DNAH14: variants seen among roughly 807,000 people sequenced by gnomAD.
The protein encoded by DNAH14 is dynein axonemal heavy chain 14.
In DNAH14, 478 loss-of-function variants were observed where a neutral mutation model predicts 520.9. The observed-to-expected ratio is 0.92, with a 90% CI of 0.85 to 0.99. The LOEUF (loss-of-function observed/expected upper bound fraction) is 0.99. Among genes scored for constraint, DNAH14 ranks in the 50% least tolerant of loss-of-function variants. The pLI, the probability that DNAH14 is intolerant of heterozygous loss-of-function variation, is 0.00. For missense variants in DNAH14, 4,831 were observed against 5,234.5 expected (o/e 0.92, Z 2.38); for synonymous variants, 1,581 against 1,757.2 (o/e 0.90, Z 2.51).
At chr1:225,118,707 AC>A (rs1181518141) in intron 25 of DNAH14, among the ~76,000 whole-genome samples, 1 of 151,614 alleles carries the variant, frequency 6.6e-6, no homozygotes, top group African/African-American at 2.4e-5. Flanking sequence ...ACATGGTGAA[AC>A]CCTATCTCTA....
intron 42 of DNAH14, among the ~76,000 whole-genome samples, chr1:225,237,267 C>G (rs1217968115): frequency 6.6e-6 from 1 of 150,546 alleles, no homozygotes; most frequent in Non-Finnish European, 1.5e-5. Flanking sequence ...TTTTTTTTTT[C>G]TAGATTTAGT....
In DNAH14 at chr1:225,264,571, T is replaced by C. The variant is rs112757358; in HGVS notation, c.7222+310T>C. On this transcript the variant is annotated intron_variant, in intron 47 of 85. Transcript: ENST00000682510. The stretch of plus-strand genomic sequence containing the variant: ...AGGCAATATCTGTCTATTCTACTGT[T>C]TGATGCTTTTAGACATACTGCAATA... 2.6e-5 allele frequency among the ~76,000 whole-genome samples: 4 copies of C among 152,106 alleles called. No homozygotes were observed. The South Asian group carries it at 8.3e-4, about 32-fold the overall frequency.
chr1:225,280,550 GAT>G (rs2093604712), intron 54 of DNAH14, among the ~76,000 whole-genome samples: 1 of 151,566 alleles, frequency 6.6e-6, no homozygotes, highest in South Asian at 2.1e-4. Flanking sequence ...AGTGAGCCGA[GAT>G]AGCGCCACTG....
rs1268142951 is a variant in DNAH14 at position 225,085,764 on chromosome 1, G to C, written c.3548G>C (p.Gly1183Ala). 1 of 1,550,478 alleles carries C rather than the reference G, an allele frequency of 6.4e-7. No individual in the cohort carries two copies. The highest frequency in any genetic ancestry group is 1.2e-5 in the South Asian group (1 of 83,524). ...CAAGTCATACTTGCAACAATTAAAG[G>C]ATCTCCCCACATTGGGCCCATTAAG... is the stretch of plus-strand genomic sequence containing the variant. ...ESQVILATIKGSPHIGPIKDL... is the reference protein window; with the variant it reads ...ESQVILATIKASPHIGPIKDL... The change falls in exon 21 of 86, where the codon GGA (glycine) becomes GCA (alanine). Residue 1183 changes from glycine (G) to alanine (A), a missense_variant. Coordinates refer to ENST00000682510, the MANE Select transcript of DNAH14 (RefSeq NM_001367479.1).
At chr1:225,308,075 C>T (rs141098291) in intron 59 of DNAH14, among the ~76,000 whole-genome samples, 26 of 152,304 alleles carry the variant, frequency 1.7e-4, no homozygotes, top group African/African-American at 6.3e-4. Flanking sequence ...TAAGAGGAGG[C>T]GCAGCTGAGA....
At chr1:225,374,158 T>C (rs1394183207) in intron 77 of DNAH14, among the ~76,000 whole-genome samples, 1 of 72,340 alleles carries the variant, frequency 1.4e-5, no homozygotes, top group East Asian at 4.5e-4. Context: ...TATATATATA[T>C]ATATATATAT....
At position 225,214,276 on chromosome 1, in the gene DNAH14, T is replaced by G. The variant is rs528946791; in HGVS notation, c.6439+7056T>G. On this transcript the variant is annotated intron_variant, in intron 41 of 85. Transcript: ENST00000682510. ...ATGAAGCCCACTTGATCATAGTGGA[T>G]AAGCTTTTTGATGTGCTGCTGGATT... is the stretch of plus-strand genomic sequence containing the variant. Among the ~76,000 whole-genome samples, 59 of 152,336 alleles carry G rather than the reference T, an allele frequency of 3.9e-4. 1 individual carries two copies. The highest frequency in any genetic ancestry group is 1.3e-3 in the African/African-American group (56 of 41,570).
intron 17 of DNAH14, among the ~76,000 whole-genome samples, chr1:225,058,545 A>T (rs2069507173): frequency 6.6e-6 from 1 of 152,038 alleles, no homozygotes; most frequent in African/African-American, 2.4e-5. Context: ...TTCTGCTCTG[A>T]TCTAAGTTAT....
intron 8 of DNAH14, among the ~76,000 whole-genome samples, chr1:224,996,669 G>C (rs905925676): frequency 1.3e-5 from 2 of 152,144 alleles, no homozygotes; most frequent in African/African-American, 4.8e-5. Context: ...AAGCAGAACT[G>C]CTGGGTGGAC....
At chr1:225,298,520 C>G (rs2094065017) in intron 55 of DNAH14, among the ~76,000 whole-genome samples, 1 of 152,202 alleles carries the variant, frequency 6.6e-6, no homozygotes, top group African/African-American at 2.4e-5. Context: ...CAATCACAGC[C>G]AATCCTGGGT....
At chr1:225,388,130 G>A (rs1326980291) in intron 81 of DNAH14, among the ~76,000 whole-genome samples, 2 of 151,962 alleles carry the variant, frequency 1.3e-5, no homozygotes, top group Non-Finnish European at 2.9e-5. Flanking sequence ...TTTGAGAAGA[G>A]TGATAAAAGC....
At chr1:225,393,049 A>G (rs967053222) in intron 84 of DNAH14, among the ~76,000 whole-genome samples, 2 of 152,212 alleles carry the variant, frequency 1.3e-5, no homozygotes, top group African/African-American at 4.8e-5. Flanking sequence ...TTGTTCTGGG[A>G]ATCTATTTTT....
At chr1:225,234,613 T>C (rs987616163) in intron 42 of DNAH14, among the ~76,000 whole-genome samples, 4 of 152,254 alleles carry the variant, frequency 2.6e-5, no homozygotes, top group Non-Finnish European at 5.9e-5. Context: ...GGAATAGCAT[T>C]GAATCTCTAA....
intron 71 of DNAH14, among the ~76,000 whole-genome samples, 189 bp from the exon 72 acceptor site, chr1:225,351,458 A>G (rs1452365208): frequency 6.6e-6 from 1 of 152,120 alleles, no homozygotes; most frequent in Non-Finnish European, 1.5e-5. Context: ...AAAAACAATT[A>G]CCTCTTACGT....
intron 55 of DNAH14, among the ~76,000 whole-genome samples, chr1:225,292,214 C>T (rs2093908168): frequency 6.6e-6 from 1 of 151,908 alleles, no homozygotes; most frequent in South Asian, 2.1e-4. Flanking sequence ...TGTTTTCTTC[C>T]AGTAGTTTTA....
rs1575054870 is a variant in DNAH14, at chr1:225,367,857, G to C, written c.12143G>C (p.Gly4048Ala). Residue 4048 changes from glycine (G) to alanine (A), a missense_variant, in exon 77 of 86, where the codon GGA becomes GCA. Coordinates refer to ENST00000682510, the MANE Select transcript of DNAH14 (RefSeq NM_001367479.1). ...AAAAGTAACTTACTTCAGACATTTG[G>C]ATGTACTGGGAGTGGAGAGGTAACA... ...GLKSNLLQTF[G>A]CTGSGEVTEE... is the part of the protein sequence containing the mutation. 2 of 1,551,580 alleles carry C rather than the reference G, an allele frequency of 1.3e-6. No homozygotes were observed. Among genetic ancestry groups the C allele is most frequent in the East Asian group, 2.4e-5 (1 of 40,914 alleles).
intron 9 of DNAH14, among the ~76,000 whole-genome samples, chr1:225,006,798 T>A (rs2064206025): frequency 6.6e-6 from 1 of 152,186 alleles, no homozygotes; most frequent in African/African-American, 2.4e-5. Flanking sequence ...TTTTGAAGCA[T>A]GTGATCTCTG....
intron 1 of DNAH14, among the ~76,000 whole-genome samples, chr1:224,935,817 A>C (rs1357176621): frequency 6.6e-6 from 1 of 151,882 alleles, no homozygotes; most frequent in Non-Finnish European, 1.5e-5. Context: ...TTAGGCCACA[A>C]AACAAGTCTC....
intron 65 of DNAH14, among the ~76,000 whole-genome samples, chr1:225,331,799 G>A (rs1224841627): frequency 6.6e-6 from 1 of 152,162 alleles, no homozygotes; most frequent in Admixed American, 6.5e-5. Context: ...GTTATCTCCT[G>A]TTCTGAAGAC....
Sources: gnomAD v4.1 joint callset for allele counts (sites outside exome capture counted in the v4.1 genomes callset) on GRCh38, gnomAD v4.1.1 for gene constraint, MANE v1.5 for transcripts, NCBI Gene and HGNC (gene_info 2026-07-23, HGNC 2026-07-21) for gene names.